PPWD1: variants seen among roughly 807,000 people sequenced by gnomAD.
PPWD1 encodes peptidylprolyl isomerase domain and WD repeat-containing protein 1.
PPWD1 carries 43 observed loss-of-function variants against 68.8 expected under a neutral mutation model. The ratio of observed to expected loss-of-function variants is 0.62; its 90% CI spans 0.49 to 0.81. The LOEUF (loss-of-function observed/expected upper bound fraction) is 0.81. PPWD1 is among the 30% of genes least tolerant of loss of function. The probability of loss-of-function intolerance (pLI) is 0.00; values close to 1 mark genes in which losing one functional copy is unlikely to be tolerated. For missense variants in PPWD1, 672 were observed against 804.8 expected (o/e 0.83, Z 2.00); for synonymous variants, 232 against 258.7 (o/e 0.90, Z 0.99).
Position 65,563,348 on chromosome 5 carries a change from G to T in PPWD1, c.38G>T (p.Arg13Leu), listed in dbSNP as rs745411585. Residue 13 changes from arginine to leucine, a missense_variant, in exon 1 of 11, where the codon CGT becomes CTT. This residue lies in a region of PPWD1 where 188 missense variants were observed against 158.6 expected (regional missense o/e 1.19). Coordinates refer to ENST00000261308, the MANE Select transcript of PPWD1 (RefSeq NM_015342.4). ...AESGSDFQQR[R>L]RRRRDPEEPE... Reference sequence around the variant, plus strand: ...AGTGGTAGCGATTTTCAGCAGAGACGTAGAAGGCGCCGGGACCCGGAGGAA... The same window carrying T: ...AGTGGTAGCGATTTTCAGCAGAGACTTAGAAGGCGCCGGGACCCGGAGGAA... 1.4e-5 allele frequency: 22 copies of T among 1,614,074 alleles called. No individual in the cohort carries two copies. The highest frequency in any genetic ancestry group is 3.3e-5 in the Admixed American group (2 of 59,998).
At chr5:65,573,664 G>A (rs1302618704) in intron 5 of PPWD1, among the ~76,000 whole-genome samples, 1 of 150,486 alleles carries the variant, frequency 6.6e-6, no homozygotes, top group Non-Finnish European at 1.5e-5. Context: ...GTGAGGCACG[G>A]TGCCAAGCCA....
intron 5 of PPWD1, among the ~76,000 whole-genome samples, chr5:65,574,162 A>T (rs1466878651): frequency 6.6e-6 from 1 of 152,222 alleles, no homozygotes; most frequent in African/African-American, 2.4e-5. Context: ...ACGTGGTAAT[A>T]AATGAGTTGG....
chr5:65,569,833 T>C, intron 3 of PPWD1, 45 bp from the exon 4 acceptor site: 6 of 1,567,868 alleles, frequency 3.8e-6, no homozygotes, highest in Middle Eastern at 1.7e-4. Flanking sequence ...CACACTTATT[T>C]TACTGTTATT....
At chr5:65,567,470 A>G (rs1356977060) in intron 1 of PPWD1, 43 bp from the exon 2 acceptor site, 13 of 1,545,512 alleles carry the variant, frequency 8.4e-6, no homozygotes, top group Non-Finnish European at 1.1e-5. Flanking sequence ...TATTTGGTTT[A>G]TTTGTTAAAA....
intron 5 of PPWD1, among the ~76,000 whole-genome samples, chr5:65,575,995 C>A (rs1430872640): frequency 6.6e-6 from 1 of 152,160 alleles, no homozygotes; most frequent in Non-Finnish European, 1.5e-5. Flanking sequence ...CAGTCACTAG[C>A]CACGTGTCTA....
At chr5:65,569,130 A>G (rs970358989) in intron 2 of PPWD1, 2 of 404,144 alleles carry the variant, frequency 4.9e-6, no homozygotes, top group African/African-American at 2.1e-5. Flanking sequence ...AATGATTTCT[A>G]TTTTTACATA....
At chr5:65,577,654 A>G (rs1753361578) in intron 6 of PPWD1, among the ~76,000 whole-genome samples, 1 of 152,280 alleles carries the variant, frequency 6.6e-6, no homozygotes, top group Admixed American at 6.5e-5. Flanking sequence ...TTTGCAGAAC[A>G]GTTAACAGAC....
At chr5:65,572,429 T>C (rs2150595118) in intron 5 of PPWD1, 143 bp downstream of exon 5, 1 of 923,786 alleles carries the variant, frequency 1.1e-6, no homozygotes, top group East Asian at 2.7e-5. Flanking sequence ...TTCAACTGTT[T>C]CTGTCTTGTA....
chr5:65,572,173 GTA>G lies in PPWD1; in HGVS notation c.858_859del (p.Cys287PhefsTer14), dbSNP rs759265773. Reference sequence around the variant, plus strand: ...CAAGTGTAAGGCTTATCCAACCAGCGTATGTTTTTCACCAGATGGGAAGAAAA... The same window carrying G: ...CAAGTGTAAGGCTTATCCAACCAGCGTGTTTTTCACCAGATGGGAAGAAAA... ...FAKCKAYPTS[V>X]CFSPDGKKIA... On this transcript the variant is annotated frameshift_variant, in exon 5 of 11. Transcript: ENST00000261308. LOFTEE classifies it high-confidence loss of function. The G allele has an allele frequency of 4.3e-6, 7 of 1,613,896 alleles. No individual in the cohort carries two copies. The highest frequency in any genetic ancestry group is 5.9e-6 in the Non-Finnish European group (7 of 1,179,824).
chr5:65,572,328 A>C, intron 5 of PPWD1, 42 bp downstream of exon 5: 3 of 1,506,536 alleles, frequency 2.0e-6, no homozygotes, highest in East Asian at 2.3e-5. Context: ...CTTTTCTAAA[A>C]ATGCTTTATT....
At chr5:65,563,538 G>C (rs1752425037) in intron 1 of PPWD1, 32 bp downstream of exon 1, 1 of 1,582,822 alleles carries the variant, frequency 6.3e-7, no homozygotes. Flanking sequence ...GGACGAATTG[G>C]AGTGCTGCGT....
chr5:65,585,408 A>G (rs1753793706), intron 9 of PPWD1, among the ~76,000 whole-genome samples: 1 of 152,186 alleles, frequency 6.6e-6, no homozygotes, highest in African/African-American at 2.4e-5. Flanking sequence ...GTGGCTAGAT[A>G]GGGTCTAGAT....
chr5:65,568,553 C>T (rs1040332431), intron 2 of PPWD1, among the ~76,000 whole-genome samples: 1 of 151,994 alleles, frequency 6.6e-6, no homozygotes, highest in African/African-American at 2.4e-5. Context: ...ACCACCCTGG[C>T]TGTGGTGAGA....
intron 1 of PPWD1, among the ~76,000 whole-genome samples, chr5:65,566,737 CT>C (rs1752786585): frequency 6.8e-6 from 1 of 146,996 alleles, no homozygotes; most frequent in African/African-American, 2.7e-5. Context: ...CTTCCTTCTT[CT>C]CTCCCTCCCT....
intron 5 of PPWD1, among the ~76,000 whole-genome samples, chr5:65,576,179 G>A (rs1034422754): frequency 9.9e-6 from 1 of 101,138 alleles, no homozygotes; most frequent in African/African-American, 3.7e-5. Flanking sequence ...AAATTCACCT[G>A]TTTTCTTTAT....
intron 5 of PPWD1, among the ~76,000 whole-genome samples, chr5:65,573,262 G>A (rs1281765057): frequency 6.6e-6 from 1 of 151,266 alleles, no homozygotes; most frequent in Non-Finnish European, 1.5e-5. Context: ...GCTTTCACTA[G>A]TCATCCTGTC....
intron 5 of PPWD1, among the ~76,000 whole-genome samples, chr5:65,574,805 A>T (rs1457540426): frequency 6.6e-6 from 1 of 151,836 alleles, no homozygotes; most frequent in African/African-American, 2.4e-5. Context: ...TGCTCAATCC[A>T]CTCTATTTGC....
intron 6 of PPWD1, among the ~76,000 whole-genome samples, chr5:65,577,872 AC>A (rs1269925011): frequency 1.3e-5 from 2 of 152,118 alleles, no homozygotes; most frequent in African/African-American, 4.8e-5. Context: ...CCATTGATGA[AC>A]CTACATTGAC....
intron 2 of PPWD1, chr5:65,568,809 C>T (rs1378915890): frequency 2.9e-5 from 10 of 346,150 alleles, no homozygotes; most frequent in South Asian, 2.2e-4. Flanking sequence ...CAAATATTAG[C>T]ACCTTTTCTA....
Sources: allele counts gnomAD v4.1 joint callset (sites outside exome capture counted in the v4.1 genomes callset), GRCh38; gene constraint gnomAD v4.1.1; regional missense constraint gnomAD v4.1.1; transcripts MANE v1.5; gene names NCBI Gene and HGNC (gene_info 2026-07-23, HGNC 2026-07-21).